Variants in CDYL2 observed in about 807,000 individuals in gnomAD.
CDYL2 encodes chromodomain Y like 2, also known as chromodomain Y-like protein 2.
Under a neutral mutation model 49.4 loss-of-function variants are expected in CDYL2, and 23 were observed. The observed-to-expected ratio is 0.47, with a 90% confidence interval of 0.34 to 0.66. The LOEUF (loss-of-function observed/expected upper bound fraction) is 0.66. CDYL2 is among the 30% of genes least tolerant of loss of function. The pLI is 0.01. For synonymous variants in CDYL2, 360 were observed against 268.8 expected (o/e 1.34, Z -3.32); for missense variants, 678 against 656.4 (o/e 1.03, Z -0.36).
At chr16:80,804,942 C>A (rs1043625576), upstream of CDYL2, among the ~76,000 whole-genome samples, 2 of 152,116 alleles carry the variant, frequency 1.3e-5, no homozygotes, top group Middle Eastern at 3.2e-3. Context: ...GCCTGGGAGA[C>A]CTGGCCCCTC....
At position 80,604,507 on chromosome 16, in the gene CDYL2, T is replaced by C. The variant is rs763502230; in HGVS notation, c.1402A>G (p.Lys468Glu). 8 of 1,614,168 alleles carry C rather than the reference T, an allele frequency of 5.0e-6. No homozygotes were observed. The highest frequency in any genetic ancestry group is 5.9e-6 in the Non-Finnish European group (7 of 1,180,016). ...ESKCLVRSFL[K>E]SVLEDVNEKE... ...TCGTTCACGTCTTCCAGCACTGATT[T>C]CAGGAAGCTCCGCACGAGGCATTTG... The change falls in exon 7 of 7, where the codon AAA becomes GAA. Residue 468 changes from lysine to glutamate, a missense_variant. Physicochemically the swap from Lys to Glu is moderately conservative, Grantham distance 56. Around this residue, in one of 3 missense-constraint regions of CDYL2, gnomAD observed 153 missense variants for 150.6 expected, o/e 1.02. Transcript: ENST00000570137.
intron 1 of CDYL2, among the ~76,000 whole-genome samples, chr16:80,699,241 G>C (rs1460811029): frequency 1.3e-5 from 2 of 152,084 alleles, no homozygotes; most frequent in Non-Finnish European, 2.9e-5. Flanking sequence ...TAATAGTCAA[G>C]ATATAGAACC....
At chr16:80,669,453 G>A (rs952970923) in intron 2 of CDYL2, among the ~76,000 whole-genome samples, 12 of 152,034 alleles carry the variant, frequency 7.9e-5, no homozygotes, top group Admixed American at 1.3e-4. Context: ...CCTCACTGCC[G>A]TCTTGTGGGG....
chr16:80,687,771 C>A (rs1467312078), intron 1 of CDYL2, among the ~76,000 whole-genome samples: 3 of 152,186 alleles, frequency 2.0e-5, no homozygotes, highest in African/African-American at 4.8e-5. Flanking sequence ...AGTTATTAAA[C>A]CTCTTTGGGC....
At chr16:80,749,882 G>T (rs8055416) in intron 1 of CDYL2, among the ~76,000 whole-genome samples, 54,066 of 151,970 alleles carry the variant, frequency 0.36, 11,719 homozygotes, top group African/African-American at 0.62. Flanking sequence ...GTGGCACATA[G>T]ACACCATGGA....
chr16:80,701,525 A>G, intron 1 of CDYL2, among the ~76,000 whole-genome samples: 1 of 152,198 alleles, frequency 6.6e-6, no homozygotes, highest in South Asian at 2.1e-4. Flanking sequence ...TATCATGGGG[A>G]AAAATGAGCA....
At chr16:80,617,425 A>T (rs1165437902) in intron 4 of CDYL2, among the ~76,000 whole-genome samples, 1 of 152,200 alleles carries the variant, frequency 6.6e-6, no homozygotes. Context: ...TACACCTAGA[A>T]AGTCCACAGG....
At chr16:80,783,889 CG>C (rs1907349740) in intron 1 of CDYL2, among the ~76,000 whole-genome samples, 2 of 152,078 alleles carry the variant, frequency 1.3e-5, no homozygotes, top group Admixed American at 1.3e-4. Flanking sequence ...AATGAGTGCC[CG>C]GGGCTGGGAA....
At chr16:80,790,710 A>G (rs1055293968) in intron 1 of CDYL2, among the ~76,000 whole-genome samples, 12 of 152,196 alleles carry the variant, frequency 7.9e-5, no homozygotes, top group African/African-American at 2.7e-4. Context: ...GATTTCTAGG[A>G]AAAGTTTAGA....
intron 3 of CDYL2, among the ~76,000 whole-genome samples, chr16:80,621,477 C>T (rs1421092628): frequency 1.3e-5 from 2 of 152,250 alleles, no homozygotes; most frequent in Non-Finnish European, 2.9e-5. Context: ...GAGTTCCAAG[C>T]CCCTGGTCCA....
rs936035689 is a variant in CDYL2, at chr16:80,630,038, G to C, written c.834+2981C>G. Among the ~76,000 whole-genome samples the C allele has an allele frequency of 2.6e-5, 4 of 152,214 alleles. No individual in the cohort carries two copies. In the South Asian group the frequency reaches 8.3e-4, roughly 32 times the overall value. Reference sequence around the variant, plus strand: ...TAACAGCATGGTAAGTTGAAGGGAGGATTGGAAGCCAGGTCTGCTAGACTA... The same window carrying C: ...TAACAGCATGGTAAGTTGAAGGGAGCATTGGAAGCCAGGTCTGCTAGACTA... On this transcript the variant is annotated intron_variant, in intron 3 of 6. Transcript: ENST00000570137.
At chr16:80,662,925 G>T (rs1048006135) in intron 2 of CDYL2, among the ~76,000 whole-genome samples, 2 of 151,926 alleles carry the variant, frequency 1.3e-5, no homozygotes, top group African/African-American at 4.8e-5. Context: ...CAGAACCAGC[G>T]GAGGCCCAGC....
At chr16:80,757,879 C>G (rs1906368976) in intron 1 of CDYL2, among the ~76,000 whole-genome samples, 1 of 151,996 alleles carries the variant, frequency 6.6e-6, no homozygotes, top group African/African-American at 2.4e-5. Context: ...CTAATAAATA[C>G]CATTCTGATC....
intron 1 of CDYL2, among the ~76,000 whole-genome samples, chr16:80,780,341 C>T (rs116577613): frequency 0.018 from 2,669 of 151,814 alleles, 74 homozygotes; most frequent in African/African-American, 0.06. Flanking sequence ...CTCATTTCCT[C>T]CTATAACAGG....
chr16:80,667,980 C>G (rs1024737364), intron 2 of CDYL2, among the ~76,000 whole-genome samples: 1 of 152,220 alleles, frequency 6.6e-6, no homozygotes, highest in East Asian at 1.9e-4. Context: ...CAGGGAGAGA[C>G]ACAAGTGGAA....
chr16:80,636,257 G>A (rs1004960425), intron 2 of CDYL2, among the ~76,000 whole-genome samples: 1 of 152,058 alleles, frequency 6.6e-6, no homozygotes, highest in African/African-American at 2.4e-5. Context: ...AAACTATCAC[G>A]AGAGTGAACA....
chr16:80,778,223 A>G (rs1434299638), intron 1 of CDYL2, among the ~76,000 whole-genome samples: 1 of 152,062 alleles, frequency 6.6e-6, no homozygotes, highest in Non-Finnish European at 1.5e-5. Flanking sequence ...TGAAACAAAA[A>G]GCAGTTTTAT....
intron 1 of CDYL2, among the ~76,000 whole-genome samples, chr16:80,695,358 A>C (rs1215082778): frequency 6.6e-6 from 1 of 152,274 alleles, no homozygotes; most frequent in Non-Finnish European, 1.5e-5. Context: ...AAGGCTATAC[A>C]AAACAACCAC....
At chr16:80,662,805 T>C (rs996788173) in intron 2 of CDYL2, 4 of 454,342 alleles carry the variant, frequency 8.8e-6, no homozygotes, top group African/African-American at 4.0e-5. Flanking sequence ...AGGAAAATCA[T>C]CATGGATACC....
Sources: gnomAD v4.1 joint callset for allele counts (sites outside exome capture counted in the v4.1 genomes callset) on GRCh38, gnomAD v4.1.1 for gene constraint, gnomAD v4.1.1 regional missense constraint, MANE v1.5 for transcripts, NCBI Gene and HGNC (gene_info 2026-07-23, HGNC 2026-07-21) for gene names.